SLC9A2: variants seen among roughly 807,000 people sequenced by gnomAD.
SLC9A2 encodes sodium/hydrogen exchanger 2.
SLC9A2 carries 42 observed loss-of-function variants against 71.7 expected under a neutral mutation model. That is an observed-to-expected ratio of 0.59 (90% CI 0.46 to 0.76). The LOEUF is 0.76. SLC9A2 is among the 30% of genes least tolerant of loss of function. The probability of loss-of-function intolerance (pLI) is 0.00; values close to 1 mark genes in which losing one functional copy is unlikely to be tolerated. For synonymous variants in SLC9A2, 396 were observed against 392.5 expected, an observed-to-expected ratio of 1.01 and a Z score of -0.10; for missense variants, 829 against 1,017.4, an observed-to-expected ratio of 0.81 and a Z score of 2.52.
intron 1 of SLC9A2, among the ~76,000 whole-genome samples, chr2:102,624,283 G>A (rs1452989252): frequency 6.6e-6 from 1 of 152,164 alleles, no homozygotes; most frequent in Non-Finnish European, 1.5e-5. Context: ...TTGCACATGT[G>A]AATTCACATT....
At chr2:102,698,952 G>A (rs775004789) in intron 7 of SLC9A2, among the ~76,000 whole-genome samples, 11 of 152,210 alleles carry the variant, frequency 7.2e-5, no homozygotes, top group Non-Finnish European at 1.0e-4. Context: ...TCTACCACAC[G>A]TGCTTACAGT....
At chr2:102,641,987 T>C (rs2104508652) in intron 1 of SLC9A2, among the ~76,000 whole-genome samples, 1 of 151,890 alleles carries the variant, frequency 6.6e-6, no homozygotes, top group African/African-American at 2.4e-5. Flanking sequence ...ACATGGCACA[T>C]GTATAGCTAT....
At chr2:102,705,982 A>G (rs1677967841) in intron 11 of SLC9A2, 46 bp downstream of exon 11, 1 of 1,192,652 alleles carries the variant, frequency 8.4e-7, no homozygotes, top group Non-Finnish European at 1.2e-6. Context: ...TTATTTGCCA[A>G]TGTTTATAAA....
At chr2:102,684,471 T>C in intron 5 of SLC9A2, 135 bp downstream of exon 5, 1 of 825,026 alleles carries the variant, frequency 1.2e-6, no homozygotes, top group Non-Finnish European at 2.0e-6. Flanking sequence ...ATATTTCCTG[T>C]CTGGGTTCAT....
intron 1 of SLC9A2, among the ~76,000 whole-genome samples, chr2:102,640,788 A>G (rs1193486968): frequency 6.6e-6 from 1 of 152,160 alleles, no homozygotes; most frequent in Non-Finnish European, 1.5e-5. Context: ...TGGAAGTCCC[A>G]AGCCTCTAAT....
intron 1 of SLC9A2, among the ~76,000 whole-genome samples, chr2:102,633,323 G>A (rs1280993284): frequency 6.6e-6 from 1 of 152,096 alleles, no homozygotes; most frequent in African/African-American, 2.4e-5. Context: ...TCACTTGGAT[G>A]TGTCTCACCG....
chr2:102,680,481 T>A (rs983862793), intron 3 of SLC9A2, among the ~76,000 whole-genome samples: 1 of 152,088 alleles, frequency 6.6e-6, no homozygotes, highest in Non-Finnish European at 1.5e-5. Flanking sequence ...GTTCTCCCAG[T>A]TCCTATTGCC....
At chr2:102,628,520 A>C (rs572589441) in intron 1 of SLC9A2, among the ~76,000 whole-genome samples, 1 of 152,236 alleles carries the variant, frequency 6.6e-6, no homozygotes, top group East Asian at 1.9e-4. Context: ...AAGAACGGCA[A>C]TATATGTATT....
chr2:102,666,375 T>C (rs1677142609), intron 3 of SLC9A2, among the ~76,000 whole-genome samples: 1 of 152,172 alleles, frequency 6.6e-6, no homozygotes, highest in Admixed American at 6.5e-5. Context: ...TTTTTTGTAT[T>C]TTTAGTAGAG....
intron 2 of SLC9A2, 34 bp from the exon 3 acceptor site, chr2:102,665,066 G>C: frequency 6.3e-7 from 1 of 1,587,362 alleles, no homozygotes; most frequent in Non-Finnish European, 8.6e-7. Flanking sequence ...AAATGGGAAA[G>C]GGTCTTGACA....
At chr2:102,630,910 A>AATTCTT (rs1261038618) in intron 1 of SLC9A2, among the ~76,000 whole-genome samples, 1 of 151,836 alleles carries the variant, frequency 6.6e-6, no homozygotes, top group African/African-American at 2.4e-5. Context: ...TTGGGGTGCT[A>AATTCTT]ATTCTTATAT....
At chr2:102,647,185 A>G (rs1676743846) in intron 1 of SLC9A2, among the ~76,000 whole-genome samples, 1 of 152,204 alleles carries the variant, frequency 6.6e-6, no homozygotes, top group African/African-American at 2.4e-5. Flanking sequence ...ACTACATGGA[A>G]ACTGAACAAC....
chr2:102,672,189 T>C lies in SLC9A2; in HGVS notation c.1004+6839T>C, dbSNP rs192023943. The stretch of plus-strand genomic sequence containing the variant: ...TGAGTAGGAAAAGGATTCTAGAATA[T>C]CTCATTAGTAATTTCTATACTGATT... On this transcript the variant is annotated intron_variant, in intron 3 of 11. Coordinates refer to ENST00000233969, the MANE Select transcript of SLC9A2 (RefSeq NM_003048.6). Among the ~76,000 whole-genome samples the C allele has an allele frequency of 3.0e-3, 454 of 152,306 alleles. 2 individuals are homozygous for C. The highest frequency in any genetic ancestry group is 8.3e-3 in the African/African-American group (345 of 41,590).
intron 7 of SLC9A2, among the ~76,000 whole-genome samples, chr2:102,700,669 G>T (rs193039957): frequency 1.3e-5 from 2 of 152,054 alleles, no homozygotes; most frequent in Non-Finnish European, 2.9e-5. Flanking sequence ...CAGTGATAAC[G>T]TTTCTGAGCA....
chr2:102,661,997 T>C (rs1677057409), intron 2 of SLC9A2, among the ~76,000 whole-genome samples: 1 of 152,236 alleles, frequency 6.6e-6, no homozygotes, highest in African/African-American at 2.4e-5. Context: ...TTTTATCTCG[T>C]GCTGATCACT....
chr2:102,687,541 C>G (rs1033737269), intron 5 of SLC9A2, among the ~76,000 whole-genome samples: 1 of 152,128 alleles, frequency 6.6e-6, no homozygotes, highest in Non-Finnish European at 1.5e-5. Flanking sequence ...AATTACTAAA[C>G]TTTAAATATG....
chr2:102,638,134 A>G (rs1217872981), intron 1 of SLC9A2, among the ~76,000 whole-genome samples: 1 of 152,238 alleles, frequency 6.6e-6, no homozygotes, highest in Non-Finnish European at 1.5e-5. Context: ...GGCCCAACAA[A>G]ATAGGCGTGA....
At chr2:102,670,232 G>A (rs1420533847) in intron 3 of SLC9A2, among the ~76,000 whole-genome samples, 2 of 150,790 alleles carry the variant, frequency 1.3e-5, no homozygotes, top group African/African-American at 4.9e-5. Context: ...TAGCCAGGAT[G>A]GTCTCGATCT....
At chr2:102,624,069 G>C (rs1168134101) in intron 1 of SLC9A2, among the ~76,000 whole-genome samples, 1 of 151,898 alleles carries the variant, frequency 6.6e-6, no homozygotes, top group Admixed American at 6.6e-5. Context: ...CTAATTACTT[G>C]GTCCAGAAAA....
Sources: allele counts gnomAD v4.1 joint callset (sites outside exome capture counted in the v4.1 genomes callset), GRCh38; gene constraint gnomAD v4.1.1; transcripts MANE v1.5; gene names NCBI Gene and HGNC (gene_info 2026-07-23, HGNC 2026-07-21).